CACNA1C: variants seen among roughly 807,000 people sequenced by gnomAD.
CACNA1C encodes voltage-dependent L-type calcium channel subunit alpha-1C.
Under a neutral mutation model 229.0 loss-of-function variants are expected in CACNA1C, and 30 were observed. The observed-to-expected ratio is 0.13, with a 90% CI of 0.10 to 0.18. The LOEUF is 0.18. Ranked by LOEUF, CACNA1C falls within the 10% of genes least tolerant of loss-of-function variation. CACNA1C has a pLI of 1.00. For missense variants in CACNA1C, 1,658 were observed against 2,845.0 expected (o/e 0.58, Z 9.49); for synonymous variants, 1,114 against 1,132.5 (o/e 0.98, Z 0.33).
chr12:2,217,751 T>C (rs1174749815), intron 3 of CACNA1C: 1 of 152,190 alleles, frequency 6.6e-6, no homozygotes, highest in African/African-American at 2.4e-5. Context: ...ATATTCAGCT[T>C]TGGAATCAGA....
chr12:2,499,047 T>G (rs1308044166), intron 7 of CACNA1C, among the ~76,000 whole-genome samples: 1 of 152,168 alleles, frequency 6.6e-6, no homozygotes, highest in Non-Finnish European at 1.5e-5. Context: ...ACCTGGGCTC[T>G]GAGGCACTCC....
At chr12:2,374,473 C>G (rs1178203689) in intron 3 of CACNA1C, among the ~76,000 whole-genome samples, 1 of 152,236 alleles carries the variant, frequency 6.6e-6, no homozygotes, top group Non-Finnish European at 1.5e-5. Flanking sequence ...GGCCACCAAC[C>G]CTCTGCCTGT....
At chr12:2,449,787 C>T (rs117010860) in intron 4 of CACNA1C, among the ~76,000 whole-genome samples, 9,612 of 152,312 alleles carry the variant, frequency 0.063, 430 homozygotes, top group Non-Finnish European at 0.094. Flanking sequence ...TCTGGCCCCG[C>T]AGTTCCTCTG....
intron 34 of CACNA1C, 61 bp downstream of exon 34, chr12:2,655,299 G>GCA: frequency 1.9e-6 from 2 of 1,038,390 alleles, no homozygotes; most frequent in Non-Finnish European, 2.9e-6. Context: ...CCACACTGTG[G>GCA]CCTGGTGGTA....
chr12:2,452,015 T>C (rs962755883), intron 4 of CACNA1C, among the ~76,000 whole-genome samples: 2 of 152,216 alleles, frequency 1.3e-5, no homozygotes, highest in African/African-American at 4.8e-5. Context: ...TTCTGCTTCC[T>C]TTGCAATATT....
chr12:2,262,838 C>A (rs1297154028), intron 3 of CACNA1C, among the ~76,000 whole-genome samples: 2 of 152,208 alleles, frequency 1.3e-5, no homozygotes, highest in East Asian at 1.9e-4. Flanking sequence ...TGGGCAGAAG[C>A]TACTATTCAG....
At chr12:2,579,922 G>C (rs2154594576) in intron 13 of CACNA1C, among the ~76,000 whole-genome samples, 1 of 152,312 alleles carries the variant, frequency 6.6e-6, no homozygotes, top group South Asian at 2.1e-4. Flanking sequence ...TCACCGGGCA[G>C]GCTTGGGAAA....
At chr12:2,200,227 T>C (rs10774032) in intron 3 of CACNA1C, among the ~76,000 whole-genome samples, 51,771 of 152,064 alleles carry the variant, frequency 0.34, 9,294 homozygotes, top group South Asian at 0.39. Context: ...AGGTTAGTAA[T>C]GTGTAAAAAC....
intron 3 of CACNA1C, among the ~76,000 whole-genome samples, chr12:2,268,940 GGA>G (rs1350627102): frequency 2.0e-5 from 3 of 152,274 alleles, no homozygotes; most frequent in Middle Eastern, 3.4e-3. Context: ...CTTGTGAAAG[GGA>G]GAGTCTTACC....
intron 3 of CACNA1C, among the ~76,000 whole-genome samples, chr12:2,187,147 A>G (rs914495518): frequency 3.3e-5 from 5 of 152,170 alleles, no homozygotes; most frequent in Admixed American, 1.3e-4. Flanking sequence ...TCCAGGCAGT[A>G]TCTAATTTAA....
intron 18 of CACNA1C, among the ~76,000 whole-genome samples, chr12:2,592,300 C>T (rs911740681): frequency 6.6e-6 from 1 of 152,206 alleles, no homozygotes; most frequent in Admixed American, 6.5e-5. Flanking sequence ...TGCTATGTGC[C>T]AGGCACCGTT....
intron 11 of CACNA1C, among the ~76,000 whole-genome samples, chr12:2,565,819 C>A (rs1360543419): frequency 6.6e-6 from 1 of 152,206 alleles, no homozygotes; most frequent in Non-Finnish European, 1.5e-5. Context: ...AGATGAACCC[C>A]TTCTACCATA....
At chr12:2,498,377 C>T (rs1015740981) in intron 7 of CACNA1C, among the ~76,000 whole-genome samples, 2 of 152,198 alleles carry the variant, frequency 1.3e-5, no homozygotes, top group African/African-American at 2.4e-5. Context: ...TGGAGAATCC[C>T]TGATCTAAAC....
intron 29 of CACNA1C, among the ~76,000 whole-genome samples, chr12:2,625,705 C>A (rs1475045819): frequency 1.3e-5 from 2 of 151,636 alleles, no homozygotes; most frequent in Admixed American, 6.6e-5. Flanking sequence ...AATCCCAGCA[C>A]TTTAGGAGGC....
In CACNA1C at chr12:2,695,371, C is replaced by G. The variant is rs1369440127; in HGVS notation, c.*4172C>G. ...GTGTTGTTCCAGCCACATCAGCCTACCTGGTGGGATGTGGGGGTGTCTGCC... is the reference window on the plus strand; with the variant it reads ...GTGTTGTTCCAGCCACATCAGCCTAGCTGGTGGGATGTGGGGGTGTCTGCC... On this transcript the variant is annotated 3_prime_UTR_variant, in exon 47 of 47. Transcript: ENST00000399655. 3.3e-5 allele frequency: 5 copies of G among 152,360 alleles called. No individual in the cohort carries two copies. The highest frequency in any genetic ancestry group is 5.9e-5 in the Non-Finnish European group (4 of 68,176). 9.4% of individuals were successfully genotyped at this position (152,360 alleles called of 1,614,324 possible). A position where few individuals can be genotyped will look rare whatever the true frequency, so the allele number is the denominator to read the frequency against.
chr12:1,998,005 A>G, intron 1 of CACNA1C: 2 of 1,581,952 alleles, frequency 1.3e-6, no homozygotes, highest in East Asian at 2.3e-5. Context: ...CACACAAGAC[A>G]TGTATGTTCT....
intron 9 of CACNA1C, among the ~76,000 whole-genome samples, chr12:2,528,711 G>A (rs1031590676): frequency 2.0e-5 from 3 of 152,228 alleles, no homozygotes; most frequent in Non-Finnish European, 4.4e-5. Flanking sequence ...CAAAGATGGG[G>A]TTTTAGGGAT....
intron 8 of CACNA1C, among the ~76,000 whole-genome samples, chr12:2,511,448 G>A (rs890588010): frequency 6.6e-6 from 1 of 152,134 alleles, no homozygotes; most frequent in Non-Finnish European, 1.5e-5. Flanking sequence ...CTTTCCTAGA[G>A]TGTGGCTTCA....
rs758199539 is a variant in CACNA1C at position 2,691,185 on chromosome 12, G to T, written c.6403G>T (p.Val2135Phe). The part of the protein sequence containing the change: ...EEELQDSRVY[V>F]SSL ...GGAGCTCCAGGACAGCAGGGTCTACGTCAGCAGCCTGTAGTGGGCGCTGCC... is the reference window on the plus strand; with the variant it reads ...GGAGCTCCAGGACAGCAGGGTCTACTTCAGCAGCCTGTAGTGGGCGCTGCC... Residue 2135 changes from valine to phenylalanine, a missense_variant, in exon 47 of 47, where the codon GTC becomes TTC. Transcript: ENST00000399655. 1.3e-6 allele frequency: 2 copies of T among 1,572,658 alleles called. No homozygotes were observed. Among genetic ancestry groups the T allele is most frequent in the Non-Finnish European group, 1.7e-6 (2 of 1,158,646 alleles).
Sources: gnomAD v4.1 joint callset for allele counts (sites outside exome capture counted in the v4.1 genomes callset) on GRCh38, gnomAD v4.1.1 for gene constraint, MANE v1.5 for transcripts, NCBI Gene and HGNC (gene_info 2026-07-23, HGNC 2026-07-21) for gene names.